The following ZDHHC9 variants were observed in gnomAD, a reference collection of about 807,000 sequenced individuals.
ZDHHC9 encodes palmitoyltransferase ZDHHC9.
In ZDHHC9, 3 loss-of-function variants were observed where a neutral mutation model predicts 26.6. The observed-to-expected ratio is 0.11, with a 90% CI of 0.05 to 0.29. The LOEUF is 0.29. ZDHHC9 is among the 10% of genes least tolerant of loss of function. ZDHHC9 has a pLI of 1.00. For missense variants in ZDHHC9, 146 were observed against 296.4 expected, an observed-to-expected ratio of 0.49 and a Z score of 3.73; for synonymous variants, 111 against 109.4, an observed-to-expected ratio of 1.01 and a Z score of -0.09.
chrX:129,809,698 T>C (rs1428847940), intron 10 of ZDHHC9, among the ~76,000 whole-genome samples: 1 of 112,136 alleles, frequency 8.9e-6, no homozygotes, highest in East Asian at 2.8e-4. Flanking sequence ...CAGTGAATCA[T>C]ACATTTTAAA....
At chrX:129,825,409 T>G (rs1927993804) in intron 4 of ZDHHC9, among the ~76,000 whole-genome samples, 2 of 112,249 alleles carry the variant, frequency 1.8e-5, no homozygotes, top group South Asian at 7.2e-4. Context: ...TAAACATTCA[T>G]AATTTTTAAA....
In ZDHHC9 at chrX:129,804,579, G is replaced by A. The variant is rs994550450; in HGVS notation, c.*1791C>T. The A allele has an allele frequency of 3.6e-5, 4 of 110,687 alleles. No homozygotes were observed. Among genetic ancestry groups the A allele is most frequent in the Admixed American group, 9.6e-5 (1 of 10,438 alleles). 9.1% of individuals were successfully genotyped at this position (110,687 alleles called of 1,213,427 possible). On this transcript the variant is annotated 3_prime_UTR_variant, in exon 11 of 11. Coordinates refer to ENST00000357166, the MANE Select transcript of ZDHHC9 (RefSeq NM_016032.4). ...CACTGATCAAATATTTCCAAGGGGG[G>A]GCCCTGATGAGCCTGCGTTAATAAC...
intron 5 of ZDHHC9, 83 bp from the exon 6 acceptor site, chrX:129,814,878 G>C: frequency 3.0e-6 from 3 of 984,333 alleles, no homozygotes; most frequent in Non-Finnish European, 2.9e-6. Flanking sequence ...CTAATTCAAA[G>C]ACCTCCAGGA....
intron 3 of ZDHHC9, 35 bp from the exon 4 acceptor site, chrX:129,829,176 C>T (rs1174654505): frequency 1.7e-6 from 2 of 1,199,760 alleles, no homozygotes; most frequent in African/African-American, 3.5e-5. Flanking sequence ...TTTAATGATA[C>T]CTACCCTATA....
At chrX:129,840,075 G>A (rs1467536650) in intron 3 of ZDHHC9, among the ~76,000 whole-genome samples, 1 of 111,201 alleles carries the variant, frequency 9.0e-6, no homozygotes, top group Non-Finnish European at 1.9e-5. Context: ...TTTCTTCAGA[G>A]GCCTGCAGGG....
At chrX:129,810,271 T>A (rs1469020402) in intron 10 of ZDHHC9, among the ~76,000 whole-genome samples, 1 of 102,602 alleles carries the variant, frequency 9.7e-6, no homozygotes, top group Non-Finnish European at 2.0e-5. Context: ...TGCTTGAACC[T>A]GGGAGGTGGA....
At chrX:129,825,899 T>C (rs1214368923) in intron 4 of ZDHHC9, among the ~76,000 whole-genome samples, 2 of 111,456 alleles carry the variant, frequency 1.8e-5, no homozygotes. Context: ...CTCAGAGAAG[T>C]AGAACTACTG....
chrX:129,822,253 C>A (rs1405942814), intron 5 of ZDHHC9, among the ~76,000 whole-genome samples: 1 of 111,441 alleles, frequency 9.0e-6, no homozygotes, highest in Non-Finnish European at 1.9e-5. Flanking sequence ...CACATATACA[C>A]CATGGAATAC....
chrX:129,824,470 A>C (rs902228616), intron 4 of ZDHHC9, among the ~76,000 whole-genome samples: 1 of 110,424 alleles, frequency 9.1e-6, no homozygotes, highest in Non-Finnish European at 1.9e-5. Flanking sequence ...TTGTATTTTT[A>C]ATAGAGATGG....
rs186009271 is a variant in ZDHHC9 at position 129,819,933 on chromosome X, G to C, written c.487+3746C>G. On this transcript the variant is annotated intron_variant, in intron 5 of 10. Coordinates refer to ENST00000357166, the MANE Select transcript of ZDHHC9 (RefSeq NM_016032.4). ...GCCGGTCTCAAACTTCTGGCCTCAAGTGATCTGCCCACCTCGGCCTCCCAA... is the reference window on the plus strand; with the variant it reads ...GCCGGTCTCAAACTTCTGGCCTCAACTGATCTGCCCACCTCGGCCTCCCAA... Among the ~76,000 whole-genome samples the C allele has an allele frequency of 1.9e-4, 21 of 111,120 alleles. No individual in the cohort carries two copies. In the East Asian group the frequency reaches 5.9e-3, roughly 31 times the overall value.
chrX:129,832,403 T>C (rs1487251193), intron 3 of ZDHHC9, among the ~76,000 whole-genome samples: 2 of 110,634 alleles, frequency 1.8e-5, no homozygotes, highest in Non-Finnish European at 3.8e-5. Flanking sequence ...ATCCCAGCAC[T>C]TTGGGAGGTC....
intron 3 of ZDHHC9, among the ~76,000 whole-genome samples, chrX:129,835,196 C>T (rs1257243291): frequency 8.9e-6 from 1 of 111,986 alleles, no homozygotes; most frequent in African/African-American, 3.2e-5. Flanking sequence ...CCTGTAATCC[C>T]AGCACTTTGG....
chrX:129,813,613 GA>G, intron 7 of ZDHHC9, 63 bp downstream of exon 7: 3 of 1,103,108 alleles, frequency 2.7e-6, no homozygotes, highest in Non-Finnish European at 2.5e-6. Flanking sequence ...GAACTGTGGG[GA>G]AAAAGCATGC....
chrX:129,809,890 C>G (rs1226546606), intron 10 of ZDHHC9, among the ~76,000 whole-genome samples: 2 of 106,075 alleles, frequency 1.9e-5, no homozygotes, highest in Admixed American at 2.1e-4. Flanking sequence ...CCCAGCTACT[C>G]AGGAGGCTGA....
chrX:129,836,569 G>A (rs1043587880), intron 3 of ZDHHC9, among the ~76,000 whole-genome samples: 1 of 112,476 alleles, frequency 8.9e-6, no homozygotes, highest in African/African-American at 3.2e-5. Context: ...ACAGGCATGA[G>A]CCACTGCGCC....
chrX:129,836,493 C>T (rs1323517252), intron 3 of ZDHHC9, among the ~76,000 whole-genome samples: 7 of 111,619 alleles, frequency 6.3e-5, no homozygotes, highest in Non-Finnish European at 1.1e-4. Context: ...CCATGTTGGC[C>T]CGGCTGGTCT....
intron 2 of ZDHHC9, among the ~76,000 whole-genome samples, chrX:129,842,620 A>G: frequency 8.9e-6 from 1 of 112,916 alleles, no homozygotes; most frequent in South Asian, 3.6e-4. Flanking sequence ...AGCCACTCGA[A>G]TATGAATCAC....
At chrX:129,840,748 C>T (rs1928361997) in intron 3 of ZDHHC9, among the ~76,000 whole-genome samples, 1 of 110,839 alleles carries the variant, frequency 9.0e-6, no homozygotes, top group Non-Finnish European at 1.9e-5. Context: ...GCCCAAAAAT[C>T]ACTCTGGGTG....
At position 129,806,464 on chromosome X, in the gene ZDHHC9, G is replaced by A. The variant is rs748573163; in HGVS notation, c.1001C>T (p.Ser334Leu). Residue 334 changes from serine to leucine, a missense_variant, in exon 11 of 11, where the codon TCA becomes TTA. Ser to Leu is a moderately radical substitution (Grantham distance 145). Transcript: ENST00000357166. ...QSPAPTEHLN[S>L]NEMPEDSSTP... ...GCTGCTGTCCTCCGGCATCTCATTTGAGTTCAGGTGTTCTGTGGGGGCCTG... is the reference window on the plus strand; with the variant it reads ...GCTGCTGTCCTCCGGCATCTCATTTAAGTTCAGGTGTTCTGTGGGGGCCTG... The A allele has an allele frequency of 1.7e-6, 2 of 1,209,326 alleles. No individual in the cohort carries two copies. The highest frequency in any genetic ancestry group is 3.5e-5 in the African/African-American group (2 of 56,996).
Sources: gnomAD v4.1 joint callset for allele counts (sites outside exome capture counted in the v4.1 genomes callset) on GRCh38, gnomAD v4.1.1 for gene constraint, MANE v1.5 for transcripts, NCBI Gene and HGNC (gene_info 2026-07-23, HGNC 2026-07-21) for gene names.